REDIC1: variants seen among roughly 807,000 people sequenced by gnomAD.
The protein encoded by REDIC1 is HEI10 Interacting Protein 1.
At chr12:39,680,788 T>A in the REDIC1 span, among the ~76,000 whole-genome samples, 19 of 102,222 alleles carry the variant, frequency 1.9e-4, no homozygotes, top group East Asian at 5.3e-4. Context: ...ACACACACAC[T>A]CTCTCACACA....
the REDIC1 span, among the ~76,000 whole-genome samples, chr12:39,821,055 T>C: frequency 6.6e-6 from 1 of 152,112 alleles, no homozygotes; most frequent in East Asian, 1.9e-4. Flanking sequence ...TTCATAATTT[T>C]TTACCCTTTC....
the REDIC1 span, chr12:39,829,450 A>G: frequency 1.1e-5 from 1 of 95,120 alleles, no homozygotes; most frequent in Non-Finnish European, 1.9e-5. Context: ...TCTGTTGTCT[A>G]GGCTGGAGTG....
At chr12:39,783,572 G>A in the REDIC1 span, among the ~76,000 whole-genome samples, 1 of 152,188 alleles carries the variant, frequency 6.6e-6, no homozygotes, top group East Asian at 1.9e-4. Context: ...TCTAACTGGT[G>A]AGAGATGGTA....
chr12:39,719,621 T>TA, the REDIC1 span, among the ~76,000 whole-genome samples: 142 of 151,218 alleles, frequency 9.4e-4, no homozygotes, highest in African/African-American at 2.4e-3. Context: ...CTCAAAAAAA[T>TA]AAAAAAAAAT....
the REDIC1 span, among the ~76,000 whole-genome samples, chr12:39,723,850 G>A: frequency 6.6e-6 from 1 of 151,994 alleles, no homozygotes; most frequent in Non-Finnish European, 1.5e-5. Context: ...TATCTTTACG[G>A]GTAGTTTCAT....
the REDIC1 span, among the ~76,000 whole-genome samples, chr12:39,794,644 C>T: frequency 6.6e-6 from 1 of 152,136 alleles, no homozygotes; most frequent in African/African-American, 2.4e-5. Context: ...TACTTCACTT[C>T]CATTTTCTGT....
the REDIC1 span, among the ~76,000 whole-genome samples, chr12:39,845,316 T>C: frequency 6.6e-6 from 1 of 152,144 alleles, no homozygotes; most frequent in Admixed American, 6.6e-5. Context: ...ATTCTGTATC[T>C]GTTACCCAAG....
the REDIC1 span, chr12:39,745,915 G>A: frequency 6.6e-6 from 1 of 152,200 alleles, no homozygotes; most frequent in Non-Finnish European, 1.5e-5. Flanking sequence ...TGAGATGCAT[G>A]GACCTATTCA....
the REDIC1 span, among the ~76,000 whole-genome samples, chr12:39,670,450 C>T: frequency 6.6e-6 from 1 of 152,182 alleles, no homozygotes; most frequent in African/African-American, 2.4e-5. Flanking sequence ...TTTGGCCTCC[C>T]AAAGTACTGG....
the REDIC1 span, among the ~76,000 whole-genome samples, chr12:39,704,643 T>C: frequency 6.6e-6 from 1 of 152,152 alleles, no homozygotes; most frequent in African/African-American, 2.4e-5. Flanking sequence ...TGCGGCATTA[T>C]TTACAATAGC....
At chr12:39,729,049 C>CTT in the REDIC1 span, among the ~76,000 whole-genome samples, 31,389 of 151,512 alleles carry the variant, frequency 0.21, 3,948 homozygotes, top group East Asian at 0.38. Context: ...ATTCTTCTCT[C>CTT]TTCTTCTTTG....
At chr12:39,683,806 G>A in the REDIC1 span, among the ~76,000 whole-genome samples, 1 of 151,814 alleles carries the variant, frequency 6.6e-6, no homozygotes, top group Non-Finnish European at 1.5e-5. Flanking sequence ...AAATAGAAAG[G>A]GAACATGTAT....
At chr12:39,630,897 A>G in the REDIC1 span, among the ~76,000 whole-genome samples, 2 of 152,192 alleles carry the variant, frequency 1.3e-5, no homozygotes, top group Non-Finnish European at 2.9e-5. Context: ...TTTGCCTGAA[A>G]CGGTCAAGGT....
the REDIC1 span, among the ~76,000 whole-genome samples, chr12:39,875,181 G>A: frequency 1.3e-5 from 2 of 152,146 alleles, no homozygotes; most frequent in Admixed American, 1.3e-4. Flanking sequence ...TCTCACTTGG[G>A]GGTCAAAAAT....
chr12:39,849,140 A>T, the REDIC1 span, among the ~76,000 whole-genome samples: 40 of 152,260 alleles, frequency 2.6e-4, 1 homozygote, highest in Non-Finnish European at 4.4e-4. Flanking sequence ...TGTCTATATA[A>T]CAAACCTTCA....
At chr12:39,714,047 A>ATACG in the REDIC1 span, among the ~76,000 whole-genome samples, 1 of 9,234 alleles carries the variant, frequency 1.1e-4, no homozygotes. Context: ...GTATATACAC[A>ATACG]TGTATATACA....
the REDIC1 span, among the ~76,000 whole-genome samples, chr12:39,867,448 T>A: frequency 2.0e-5 from 3 of 152,080 alleles, no homozygotes; most frequent in Non-Finnish European, 4.4e-5. Context: ...CAATGTTGGC[T>A]ATTTTTGAAA....
chr12:39,824,175 A>G, the REDIC1 span, among the ~76,000 whole-genome samples: 1 of 152,240 alleles, frequency 6.6e-6, no homozygotes, highest in Non-Finnish European at 1.5e-5. Flanking sequence ...TCATATAAAA[A>G]ATATAATTAT....
the REDIC1 span, among the ~76,000 whole-genome samples, chr12:39,803,926 A>G: frequency 6.6e-6 from 1 of 152,188 alleles, no homozygotes; most frequent in African/African-American, 2.4e-5. Context: ...CACCTCTATC[A>G]AGATACATCA....
Sources: gnomAD v4.1 joint callset for allele counts (sites outside exome capture counted in the v4.1 genomes callset) on GRCh38, gnomAD v4.1.1 for gene constraint, MANE v1.5 for transcripts, NCBI Gene and HGNC (gene_info 2026-07-23, HGNC 2026-07-21) for gene names.